Variants in UNC5D observed in about 807,000 individuals in gnomAD.
UNC5D encodes the protein netrin receptor UNC5D.
In UNC5D, 39 loss-of-function variants were observed where a neutral mutation model predicts 105.4. The observed-to-expected ratio is 0.37, with a 90% CI of 0.29 to 0.48. The LOEUF (loss-of-function observed/expected upper bound fraction) is 0.48. UNC5D is among the 20% of genes least tolerant of loss of function. UNC5D has a pLI of 0.98. For missense variants in UNC5D, 991 were observed against 1,202.4 expected (o/e 0.82, Z 2.60); for synonymous variants, 452 against 450.4 (o/e 1.00, Z -0.04).
At chr8:35,526,800 T>A (rs74377846) in intron 1 of UNC5D, among the ~76,000 whole-genome samples, 2 of 151,382 alleles carry the variant, frequency 1.3e-5, no homozygotes, top group African/African-American at 4.9e-5. Context: ...AAAAAAAAAA[T>A]GGCCTAGAAA....
rs1466753406 is a variant in UNC5D at position 35,760,683 on chromosome 8, GA to G, written c.2313+1216del. Among the ~76,000 whole-genome samples, 4 of 152,236 alleles carry G rather than the reference GA, an allele frequency of 2.6e-5. No homozygotes were observed. In the East Asian group the frequency reaches 7.7e-4, roughly 29 times the overall value. On this transcript the variant is annotated intron_variant, in intron 14 of 16. Coordinates refer to ENST00000404895, the MANE Select transcript of UNC5D (RefSeq NM_080872.4). Reference sequence around the variant, plus strand: ...CTTCTGGCGGACTCACATTGACCTGGAATCACAGAATGCTTTCAGGCTTCTT... The same window carrying G: ...CTTCTGGCGGACTCACATTGACCTGGATCACAGAATGCTTTCAGGCTTCTT...
At chr8:35,442,875 C>G (rs1242082596) in intron 1 of UNC5D, among the ~76,000 whole-genome samples, 30 of 146,014 alleles carry the variant, frequency 2.1e-4, no homozygotes, top group African/African-American at 7.6e-4. Flanking sequence ...CTCTCTCTCT[C>G]TCTCTCTGTT....
chr8:35,662,871 T>C (rs1031994485), intron 4 of UNC5D, among the ~76,000 whole-genome samples: 6 of 152,188 alleles, frequency 3.9e-5, no homozygotes, highest in South Asian at 2.1e-4. Context: ...CATTACCACC[T>C]GAGCTCTGCC....
intron 1 of UNC5D, among the ~76,000 whole-genome samples, chr8:35,296,888 T>C (rs997547669): frequency 1.3e-5 from 2 of 152,224 alleles, no homozygotes; most frequent in Admixed American, 6.5e-5. Flanking sequence ...TTATCCTACA[T>C]TCTAAGGGCA....
chr8:35,609,894 T>C (rs1820559775), intron 4 of UNC5D, among the ~76,000 whole-genome samples: 1 of 152,190 alleles, frequency 6.6e-6, no homozygotes, highest in East Asian at 1.9e-4. Context: ...GTTTCCTACT[T>C]GACACATTGA....
chr8:35,267,120 G>A (rs1449957527), intron 1 of UNC5D, among the ~76,000 whole-genome samples: 2 of 145,460 alleles, frequency 1.4e-5, no homozygotes, highest in Non-Finnish European at 3.0e-5. Context: ...TTAAGGGAAA[G>A]TTAACCCAGA....
chr8:35,512,490 A>C (rs1194334934), intron 1 of UNC5D, among the ~76,000 whole-genome samples: 2 of 115,096 alleles, frequency 1.7e-5, no homozygotes, highest in Non-Finnish European at 3.5e-5. Context: ...ATATATATAT[A>C]TATATATATA....
At chr8:35,711,010 C>T (rs1827914371) in intron 8 of UNC5D, among the ~76,000 whole-genome samples, 1 of 124,194 alleles carries the variant, frequency 8.1e-6, no homozygotes, top group Non-Finnish European at 1.5e-5. Context: ...CTGATCTCGG[C>T]TCACTGCAAG....
chr8:35,657,114 A>G (rs929410322), intron 4 of UNC5D, among the ~76,000 whole-genome samples: 73 of 124,132 alleles, frequency 5.9e-4, no homozygotes, highest in South Asian at 1.7e-3. Context: ...ATATATATAT[A>G]TATATATATG....
intron 1 of UNC5D, among the ~76,000 whole-genome samples, chr8:35,466,215 T>A (rs187849669): frequency 6.6e-6 from 1 of 152,294 alleles, no homozygotes. Flanking sequence ...TCACAAGGAG[T>A]TACCGAAGTC....
intron 1 of UNC5D, among the ~76,000 whole-genome samples, chr8:35,313,386 G>A (rs1446956962): frequency 1.3e-5 from 2 of 152,126 alleles, no homozygotes; most frequent in Non-Finnish European, 2.9e-5. Flanking sequence ...TTGTAGACTA[G>A]TCATCAAGTT....
At position 35,686,541 on chromosome 8, in the gene UNC5D, G is replaced by C; in HGVS notation, c.920-4G>C. ...ACAATGGTTTCTTTTGTTTCCCTTT[G>C]AAGTGGATGGGAGCTGGGAAGTGTG... On this transcript the variant is annotated splice_region_variant and splice_polypyrimidine_tract_variant and intron_variant, in intron 6 of 16. Coordinates refer to ENST00000404895, the MANE Select transcript of UNC5D (RefSeq NM_080872.4). 6.4e-7 allele frequency: 1 copy of C among 1,555,960 alleles called. No homozygotes were observed. The highest frequency in any genetic ancestry group is 1.2e-5 in the South Asian group (1 of 82,266).
chr8:35,345,190 G>T (rs574297445), intron 1 of UNC5D, among the ~76,000 whole-genome samples: 1 of 151,954 alleles, frequency 6.6e-6, no homozygotes, highest in African/African-American at 2.4e-5. Context: ...AATTATATTT[G>T]ACTGTAGCCA....
At chr8:35,757,735 G>T (rs186769852) in intron 13 of UNC5D, among the ~76,000 whole-genome samples, 1 of 152,288 alleles carries the variant, frequency 6.6e-6, no homozygotes. Context: ...AGGAACCAGA[G>T]ACTGCCTAAT....
chr8:35,361,559 G>A (rs1029239237), intron 1 of UNC5D, among the ~76,000 whole-genome samples: 9 of 152,204 alleles, frequency 5.9e-5, no homozygotes, highest in South Asian at 2.1e-4. Flanking sequence ...ATTTCTTTTC[G>A]GTGGGGTATT....
chr8:35,426,823 A>T (rs1170556078), intron 1 of UNC5D, among the ~76,000 whole-genome samples: 3 of 152,158 alleles, frequency 2.0e-5, no homozygotes, highest in South Asian at 2.1e-4. Flanking sequence ...AGCTTTGCAG[A>T]GCTAACGGAG....
At chr8:35,540,458 TG>T (rs1815195805) in intron 1 of UNC5D, among the ~76,000 whole-genome samples, 1 of 151,684 alleles carries the variant, frequency 6.6e-6, no homozygotes, top group African/African-American at 2.4e-5. Flanking sequence ...TGTGTGTGTG[TG>T]TGTGTGTGTG....
intron 1 of UNC5D, among the ~76,000 whole-genome samples, chr8:35,381,033 GAGAGAGAGAA>G (rs1191385062): frequency 2.7e-5 from 4 of 149,670 alleles, no homozygotes; most frequent in Non-Finnish European, 5.9e-5. Context: ...GGGAGGGAGG[GAGAGAGAGAA>G]AGAGAGAGAG....
intron 7 of UNC5D, among the ~76,000 whole-genome samples, chr8:35,687,396 T>A (rs1826082936): frequency 6.8e-6 from 1 of 147,368 alleles, no homozygotes; most frequent in African/African-American, 2.5e-5. Flanking sequence ...GAGCCAAGAT[T>A]GTGCCACTGC....
Sources: gnomAD v4.1 joint callset for allele counts (sites outside exome capture counted in the v4.1 genomes callset) on GRCh38, gnomAD v4.1.1 for gene constraint, MANE v1.5 for transcripts, NCBI Gene and HGNC (gene_info 2026-07-23, HGNC 2026-07-21) for gene names.